The following ENTREP2 variants were observed in gnomAD, a reference collection of about 807,000 sequenced individuals.
The protein encoded by ENTREP2 is protein ENTREP2.
chr15:29,616,883 T>C, the ENTREP2 span, among the ~76,000 whole-genome samples: 1 of 151,964 alleles, frequency 6.6e-6, no homozygotes, highest in Non-Finnish European at 1.5e-5. Flanking sequence ...CAGACCAGCC[T>C]GGCCCATCTC....
chr15:29,392,733 A>G, the ENTREP2 span, among the ~76,000 whole-genome samples: 4 of 152,214 alleles, frequency 2.6e-5, no homozygotes, highest in South Asian at 4.1e-4. Context: ...TTTGTAGCTA[A>G]TATCTCTTCA....
At chr15:29,260,938 GC>G in the ENTREP2 span, among the ~76,000 whole-genome samples, 1 of 152,034 alleles carries the variant, frequency 6.6e-6, no homozygotes, top group Non-Finnish European at 1.5e-5. Flanking sequence ...AACCTGTTTC[GC>G]CTTTACAAAT....
chr15:29,327,931 G>T, the ENTREP2 span, among the ~76,000 whole-genome samples: 1 of 152,146 alleles, frequency 6.6e-6, no homozygotes, highest in African/African-American at 2.4e-5. Context: ...GTATGATCCA[G>T]CAATCATATT....
the ENTREP2 span, among the ~76,000 whole-genome samples, chr15:29,649,894 C>T: frequency 6.6e-6 from 1 of 152,120 alleles, no homozygotes; most frequent in Non-Finnish European, 1.5e-5. Context: ...AAATGCACAA[C>T]AGAGCTTCTA....
chr15:29,437,294 AC>A, the ENTREP2 span, among the ~76,000 whole-genome samples: 1 of 150,106 alleles, frequency 6.7e-6, no homozygotes, highest in Non-Finnish European at 1.5e-5. Context: ...AAGAAAAAAA[AC>A]ATAACTGCAA....
the ENTREP2 span, among the ~76,000 whole-genome samples, chr15:29,657,181 G>A: frequency 1.3e-4 from 19 of 151,790 alleles, no homozygotes; most frequent in Non-Finnish European, 2.2e-4. Flanking sequence ...CTGAGCAGCT[G>A]GGACTACACG....
At chr15:29,573,229 G>A in the ENTREP2 span, among the ~76,000 whole-genome samples, 1 of 152,156 alleles carries the variant, frequency 6.6e-6, no homozygotes, top group Non-Finnish European at 1.5e-5. Context: ...TTAGGAGAGG[G>A]ATCTACTTTC....
At chr15:29,293,181 G>C in the ENTREP2 span, among the ~76,000 whole-genome samples, 6 of 152,198 alleles carry the variant, frequency 3.9e-5, no homozygotes, top group Non-Finnish European at 5.9e-5. Flanking sequence ...AGATGCACTA[G>C]GTAGGGAGGT....
the ENTREP2 span, among the ~76,000 whole-genome samples, chr15:29,461,021 T>C: frequency 1.3e-5 from 2 of 152,202 alleles, no homozygotes; most frequent in African/African-American, 4.8e-5. Context: ...AGAACATTTA[T>C]TCTATACAAA....
At chr15:29,318,512 G>C in the ENTREP2 span, among the ~76,000 whole-genome samples, 1 of 152,066 alleles carries the variant, frequency 6.6e-6, no homozygotes, top group Non-Finnish European at 1.5e-5. Flanking sequence ...AGTAGAGACG[G>C]GGTTTCACCG....
At chr15:29,648,165 C>A in the ENTREP2 span, among the ~76,000 whole-genome samples, 3 of 152,116 alleles carry the variant, frequency 2.0e-5, no homozygotes, top group African/African-American at 7.2e-5. Context: ...CCATGGGGTA[C>A]CAAAAAGAGG....
the ENTREP2 span, among the ~76,000 whole-genome samples, chr15:29,161,083 C>T: frequency 2.0e-5 from 3 of 152,142 alleles, no homozygotes; most frequent in East Asian, 3.9e-4. Context: ...CCTGACGTTC[C>T]GTGCAGATCT....
At chr15:29,647,805 A>G in the ENTREP2 span, among the ~76,000 whole-genome samples, 1 of 152,202 alleles carries the variant, frequency 6.6e-6, no homozygotes, top group Non-Finnish European at 1.5e-5. Context: ...AAGTGGCTAC[A>G]TATGATAAAG....
chr15:29,361,670 C>T, the ENTREP2 span, among the ~76,000 whole-genome samples: 2 of 152,082 alleles, frequency 1.3e-5, no homozygotes, highest in Non-Finnish European at 2.9e-5. Context: ...AGGCTCTGAG[C>T]CTCATCTCAT....
the ENTREP2 span, among the ~76,000 whole-genome samples, chr15:29,490,282 T>G: frequency 6.6e-6 from 1 of 152,076 alleles, no homozygotes; most frequent in African/African-American, 2.4e-5. Flanking sequence ...GAAGCAAAGC[T>G]GCAGAACTTC....
chr15:29,572,908 G>C, the ENTREP2 span, among the ~76,000 whole-genome samples: 1 of 151,744 alleles, frequency 6.6e-6, no homozygotes, highest in South Asian at 2.1e-4. Context: ...ACCAAAAATG[G>C]GTTGAGGGGT....
the ENTREP2 span, among the ~76,000 whole-genome samples, chr15:29,423,648 AT>A: frequency 2.4e-5 from 3 of 127,048 alleles, no homozygotes; most frequent in South Asian, 8.1e-4. Context: ...AAAAAAAAAA[AT>A]TAGCCGGACG....
At chr15:29,172,361 A>G in the ENTREP2 span, among the ~76,000 whole-genome samples, 302 of 152,296 alleles carry the variant, frequency 2.0e-3, 1 homozygote, top group Middle Eastern at 6.8e-3. Flanking sequence ...CTCTCATTCA[A>G]TTCCAAGGAG....
the ENTREP2 span, among the ~76,000 whole-genome samples, chr15:29,339,178 T>C: frequency 6.6e-6 from 1 of 152,238 alleles, no homozygotes; most frequent in African/African-American, 2.4e-5. Flanking sequence ...ATAGGGCCCC[T>C]GGCAGCTGCC....
Sources: gnomAD v4.1 joint callset for allele counts (sites outside exome capture counted in the v4.1 genomes callset) on GRCh38, gnomAD v4.1.1 for gene constraint, MANE v1.5 for transcripts, NCBI Gene and HGNC (gene_info 2026-07-23, HGNC 2026-07-21) for gene names.